CROCC2: variants seen among roughly 807,000 people sequenced by gnomAD.
The protein encoded by CROCC2 is ciliary rootlet coiled-coil, rootletin family member 2, also known as ciliary rootlet coiled-coil protein 2.
A neutral mutation model predicts 177.6 loss-of-function variants in CROCC2; 163 were observed. The ratio of observed to expected loss-of-function variants is 0.92; its 90% CI spans 0.81 to 1.05. The LOEUF is 1.05. CROCC2 is among the 50% of genes least tolerant of loss of function. The pLI, the probability that CROCC2 is intolerant of heterozygous loss-of-function variation, is 0.00. For synonymous variants in CROCC2, 904 were observed against 787.3 expected (o/e 1.15, Z -2.48); for missense variants, 1,929 against 1,797.8 (o/e 1.07, Z -1.32).
rs73105795 is a variant in CROCC2, at chr2:240,920,902, G to C, written c.381+768G>C. On this transcript the variant is annotated intron_variant, in intron 3 of 31. Coordinates refer to ENST00000690015, the MANE Select transcript of CROCC2 (RefSeq NM_001351305.2). ...GCAGGACTTGGCAAGGAGCCAGTGC[G>C]TGGAGTGGGGTGTCCAGCCCACCTT... Among the ~76,000 whole-genome samples the C allele has an allele frequency of 1.7e-3, 253 of 152,328 alleles. 1 individual carries two copies. The highest frequency in any genetic ancestry group is 5.8e-3 in the African/African-American group (241 of 41,574).
In CROCC2 at chr2:240,917,778, C is replaced by G. The variant is rs990519730; in HGVS notation, c.79-948C>G. Among the ~76,000 whole-genome samples the G allele has an allele frequency of 1.3e-5, 2 of 152,192 alleles. No homozygotes were observed. The highest frequency in any genetic ancestry group is 2.9e-5 in the Non-Finnish European group (2 of 68,028). ...TTCAGATATCCTTAAGGCAGCAGGC[C>G]GGGGACAGCTGTGGCCTTGCGTATT... On this transcript the variant is annotated intron_variant, in intron 1 of 31. Transcript: ENST00000690015. The surrounding 1 kb of genome is among the most constrained non-coding windows in gnomAD (Gnocchi z 4.9).
intron 5 of CROCC2, among the ~76,000 whole-genome samples, chr2:240,928,688 C>T (rs1319284904): frequency 3.9e-5 from 6 of 152,328 alleles, no homozygotes; most frequent in South Asian, 2.1e-4. Context: ...CTGAAGCAAG[C>T]GTCTACCCCG....
intron 19 of CROCC2, chr2:240,957,927 G>A (rs2059603879): frequency 1.0e-6 from 1 of 973,932 alleles, no homozygotes; most frequent in South Asian, 4.7e-5. Flanking sequence ...AGCCCTCCTG[G>A]GGCCCTGGGA....
Position 240,933,798 on chromosome 2 carries a change from G to A in CROCC2, c.1592G>A (p.Arg531Gln), listed in dbSNP as rs888186846. Reference sequence around the variant, plus strand: ...AGAAGCCTCCTGCTGCAGGCAGAGCGGAGGGAGGAGCTGGCTCTGCGGAGG... The same window carrying A: ...AGAAGCCTCCTGCTGCAGGCAGAGCAGAGGGAGGAGCTGGCTCTGCGGAGG... ...LQRSLLLQAE[R>Q]REELALRRER... Residue 531 changes from arginine to glutamine, a missense_variant, in exon 11 of 32, where the codon CGG becomes CAG. This residue lies in a region of CROCC2 where 1,397 missense variants were observed against 1,239.9 expected (regional missense o/e 1.13). Transcript: ENST00000690015. 133 of 1,548,746 alleles carry A rather than the reference G, an allele frequency of 8.6e-5. No individual in the cohort carries two copies. Among genetic ancestry groups the A allele is most frequent in the Non-Finnish European group, 9.9e-5 (114 of 1,146,744 alleles).
chr2:240,985,927 G>A (rs758492691), intron 28 of CROCC2: 5 of 456,314 alleles, frequency 1.1e-5, no homozygotes, highest in African/African-American at 4.0e-5. Flanking sequence ...GTGGGCACAT[G>A]GCCCCAGCCC....
chr2:240,909,580 G>A (rs1000236961), intron 1 of CROCC2, among the ~76,000 whole-genome samples: 2 of 152,220 alleles, frequency 1.3e-5, no homozygotes, highest in African/African-American at 4.8e-5. Context: ...TTAGCGGCTG[G>A]TCTGAGGGGG....
At chr2:240,937,403 A>G (rs2059477284) in intron 14 of CROCC2, among the ~76,000 whole-genome samples, 1 of 152,198 alleles carries the variant, frequency 6.6e-6, no homozygotes, top group Non-Finnish European at 1.5e-5. Context: ...AGGAATTTAT[A>G]TATCATGGAT....
chr2:240,989,135 A>C (rs1035232814), intron 29 of CROCC2, among the ~76,000 whole-genome samples: 2 of 152,154 alleles, frequency 1.3e-5, no homozygotes, highest in Non-Finnish European at 2.9e-5. Flanking sequence ...GGCTCTGTAG[A>C]GCAGCACAAG....
At chr2:240,950,632 C>T (rs1574771075) in intron 18 of CROCC2, 122 bp downstream of exon 18, 1 of 897,084 alleles carries the variant, frequency 1.1e-6, no homozygotes, top group Non-Finnish European at 1.7e-6. Context: ...CCCACCCATC[C>T]ATCCATCCAT....
chr2:240,917,008 C>T lies in CROCC2; in HGVS notation c.79-1718C>T, dbSNP rs1313299402. Among the ~76,000 whole-genome samples, 4 of 152,156 alleles carry T rather than the reference C, an allele frequency of 2.6e-5. No homozygotes were observed. The highest frequency in any genetic ancestry group is 5.9e-5 in the Non-Finnish European group (4 of 67,996). The stretch of plus-strand genomic sequence containing the variant: ...CAGGAGGAGGAGCAGGGACTTCCCT[C>T]CCCCTCCCCCACTGGGCTGCTGCTC... On this transcript the variant is annotated intron_variant, in intron 1 of 31. Coordinates refer to ENST00000690015, the MANE Select transcript of CROCC2 (RefSeq NM_001351305.2). The surrounding 1 kb of genome is among the most constrained non-coding windows in gnomAD (Gnocchi z 4.9).
At chr2:240,915,703 G>A (rs956799736) in intron 1 of CROCC2, among the ~76,000 whole-genome samples, 3 of 152,176 alleles carry the variant, frequency 2.0e-5, no homozygotes, top group African/African-American at 7.2e-5. Flanking sequence ...GTGAGGACCC[G>A]CTGGCTCTCC....
At chr2:240,925,956 T>G (rs891871864) in intron 5 of CROCC2, 76 bp downstream of exon 5, 2 of 633,496 alleles carry the variant, frequency 3.2e-6, no homozygotes, top group Admixed American at 2.5e-5. Flanking sequence ...GGCAGGGACA[T>G]GGTGAGGGTG....
rs1489803757 is a variant in CROCC2, at chr2:240,974,991, T to C, written c.4401+6729T>C. 2.0e-5 allele frequency among the ~76,000 whole-genome samples: 3 copies of C among 152,190 alleles called. No individual in the cohort carries two copies. The East Asian group carries it at 5.8e-4, about 29-fold the overall frequency. On this transcript the variant is annotated intron_variant, in intron 27 of 31. Transcript: ENST00000690015. Reference sequence around the variant, plus strand: ...GGGATGACGGTTTTCTTTTGATCAGTGTCTGGGTGGATCTTTGTTTATGCT... The same window carrying C: ...GGGATGACGGTTTTCTTTTGATCAGCGTCTGGGTGGATCTTTGTTTATGCT...
Position 240,935,571 on chromosome 2 carries a change from C to T in CROCC2, c.2152C>T (p.Gln718Ter). The T allele has an allele frequency of 1.5e-6, 2 of 1,354,052 alleles. No individual in the cohort carries two copies. The highest frequency in any genetic ancestry group is 2.8e-4 in the Middle Eastern group (1 of 3,554). 83.9% of individuals were successfully genotyped at this position (1,354,052 alleles called of 1,614,324 possible). Residue 718 changes from glutamine to a stop codon, truncating the protein, a stop_gained, in exon 14 of 32, where the codon CAG becomes TAG. Coordinates refer to ENST00000690015, the MANE Select transcript of CROCC2 (RefSeq NM_001351305.2). LOFTEE classifies it high-confidence loss of function. The part of the protein sequence containing the change: ...ALLGREKAQL[Q>*]EQVGQVTCQK... ...GCTGGGGCGAGAGAAGGCCCAGCTC[C>T]AGGAGCAGGTGGGCCAGGTGAGGAC...
chr2:240,965,236 G>A lies in CROCC2; in HGVS notation c.3466-145G>A, dbSNP rs1215161814. ...TGAGGGTGACAACTCCCAGGGCAAG[G>A]TCCTTTGGGGCACCTTAGCCCAAGC... is the stretch of plus-strand genomic sequence containing the variant. On this transcript the variant is annotated intron_variant, in intron 22 of 31. Coordinates refer to ENST00000690015, the MANE Select transcript of CROCC2 (RefSeq NM_001351305.2). The A allele has an allele frequency of 1.5e-5, 18 of 1,224,458 alleles. 1 individual carries two copies. Among genetic ancestry groups the A allele is most frequent in the Non-Finnish European group, 2.0e-5 (18 of 884,222 alleles). 75.8% of individuals were successfully genotyped at this position (1,224,458 alleles called of 1,614,324 possible).
rs560012263 is a variant in CROCC2, at chr2:240,958,317, G to T, written c.2944-984G>T. 2.5e-3 allele frequency: 1,338 copies of T among 524,716 alleles called. 18 individuals are homozygous for T. The African/African-American group carries it at 0.026, about 10-fold the overall frequency. 32.5% of individuals were successfully genotyped at this position (524,716 alleles called of 1,614,324 possible). A position where few individuals can be genotyped will look rare whatever the true frequency, so the allele number is the denominator to read the frequency against. ...ACTGGCAGTGTTGGGGCATGCTGAG[G>T]CACAGAGCCATGGCCTAGTCACCCA... On this transcript the variant is annotated intron_variant, in intron 19 of 31. Coordinates refer to ENST00000690015, the MANE Select transcript of CROCC2 (RefSeq NM_001351305.2). The surrounding 1 kb of genome is among the most constrained non-coding windows in gnomAD (Gnocchi z 6.7).
Position 240,964,186 on chromosome 2 carries a change from G to A in CROCC2, c.3306-280G>A, listed in dbSNP as rs539953886. 8.3e-5 allele frequency: 46 copies of A among 554,752 alleles called. No individual in the cohort carries two copies. The East Asian group carries it at 8.9e-4, about 11-fold the overall frequency. The allele number at this position is 554,752 out of a possible 1,614,324, so 34.4% of individuals were successfully genotyped here. ...GAGGTACCAGGCTAGGCTGGATGTTGAGCGTCCGGGAGTGTGACAGAGAGG... is the reference window on the plus strand; with the variant it reads ...GAGGTACCAGGCTAGGCTGGATGTTAAGCGTCCGGGAGTGTGACAGAGAGG... On this transcript the variant is annotated intron_variant, in intron 21 of 31. Transcript: ENST00000690015.
At position 240,925,635 on chromosome 2, in the gene CROCC2, C is replaced by G. The variant is rs2059390975; in HGVS notation, c.489-89C>G. On this transcript the variant is annotated intron_variant, in intron 4 of 31. Coordinates refer to ENST00000690015, the MANE Select transcript of CROCC2 (RefSeq NM_001351305.2). ...AGTTAGGCCCAGAGGGTTTGGGGTT[C>G]CATTCAAGCCCCTTGACTTGGGGAC... 4.0e-5 allele frequency: 25 copies of G among 623,644 alleles called. No homozygotes were observed. The South Asian group carries it at 4.9e-4, about 12-fold the overall frequency. The allele number at this position is 623,644 out of a possible 1,614,324, so 38.6% of individuals were successfully genotyped here.
rs58426743 is a variant in CROCC2, at chr2:240,953,806, C to CAGG, written c.2830-2049_2830-2047dup. 0.57 allele frequency among the ~76,000 whole-genome samples: 86,552 copies of CAGG among 151,790 alleles called. 25,237 individuals carry two copies. The highest frequency in any genetic ancestry group is 0.63 in the Non-Finnish European group (42,713 of 67,898). ...AGCCAAAGACCTGGAGCCGCTGGCCCAGGAGGGGCTGTCTCCACTGGAACC... is the reference window on the plus strand; with the variant it reads ...AGCCAAAGACCTGGAGCCGCTGGCCCAGGAGGAGGGGCTGTCTCCACTGGAACC... On this transcript the variant is annotated intron_variant, in intron 18 of 31. Transcript: ENST00000690015. The surrounding 1 kb of genome is among the most constrained non-coding windows in gnomAD (Gnocchi z 4.0).
Sources: allele counts gnomAD v4.1 joint callset (sites outside exome capture counted in the v4.1 genomes callset), GRCh38; gene constraint gnomAD v4.1.1; regional missense constraint gnomAD v4.1.1; non-coding constraint Gnocchi (gnomAD v3.1); transcripts MANE v1.5; gene names NCBI Gene and HGNC (gene_info 2026-07-23, HGNC 2026-07-21).